ARSG: variants seen among roughly 807,000 people sequenced by gnomAD.
ARSG encodes the protein arylsulfatase G.
Under a neutral mutation model 50.5 loss-of-function variants are expected in ARSG, and 37 were observed. That is an observed-to-expected ratio of 0.73 (90% confidence interval 0.56 to 0.96). The LOEUF (loss-of-function observed/expected upper bound fraction) is 0.96. ARSG is among the 50% of genes least tolerant of loss of function. The pLI is 0.00. For missense variants in ARSG, 629 were observed against 675.3 expected, an observed-to-expected ratio of 0.93 and a Z score of 0.76; for synonymous variants, 225 against 254.6, an observed-to-expected ratio of 0.88 and a Z score of 1.11.
the ARSG span, chr17:68,436,533 C>G: frequency 6.4e-7 from 1 of 1,551,286 alleles, no homozygotes; most frequent in South Asian, 1.1e-5. Context: ...AGAGATTGCA[C>G]GGCTGGAGAG....
At chr17:68,292,652 G>T (rs1010048927) in intron 1 of ARSG, among the ~76,000 whole-genome samples, 1 of 152,164 alleles carries the variant, frequency 6.6e-6, no homozygotes, top group African/African-American at 2.4e-5. Context: ...TGCACGGAGG[G>T]TCGCCACCGG....
chr17:68,400,211 A>G (rs1395252577), intron 10 of ARSG: 1 of 152,240 alleles, frequency 6.6e-6, no homozygotes, highest in Non-Finnish European at 1.5e-5. Flanking sequence ...AGGCAGTCTC[A>G]TGCTTTTAGC....
intron 11 of ARSG, among the ~76,000 whole-genome samples, chr17:68,417,407 G>C (rs2082438159): frequency 6.6e-6 from 1 of 152,182 alleles, no homozygotes; most frequent in Non-Finnish European, 1.5e-5. Flanking sequence ...AGTATTTACT[G>C]TAAGAACTTG....
intron 1 of ARSG, among the ~76,000 whole-genome samples, chr17:68,277,050 A>G (rs1039440295): frequency 1.3e-5 from 2 of 152,164 alleles, no homozygotes; most frequent in African/African-American, 2.4e-5. Context: ...ATCTCCTTGT[A>G]CACATCTCAT....
the ARSG span, among the ~76,000 whole-genome samples, chr17:68,435,898 G>A: frequency 6.6e-6 from 1 of 152,222 alleles, no homozygotes; most frequent in Non-Finnish European, 1.5e-5. Flanking sequence ...TTGGCTTCAA[G>A]GGCCACTCCA....
At chr17:68,320,641 T>C (rs1262137553) in intron 2 of ARSG, among the ~76,000 whole-genome samples, 2 of 152,156 alleles carry the variant, frequency 1.3e-5, no homozygotes, top group Admixed American at 6.6e-5. Flanking sequence ...GTGTGTCATA[T>C]ACATGTTTAC....
At chr17:68,283,602 C>T (rs1555753547) in intron 1 of ARSG, among the ~76,000 whole-genome samples, 1 of 151,678 alleles carries the variant, frequency 6.6e-6, no homozygotes. Context: ...GGGTGGATCA[C>T]CTGAGGTTGG....
intron 6 of ARSG, among the ~76,000 whole-genome samples, chr17:68,359,294 A>G (rs988402842): frequency 3.9e-5 from 6 of 152,236 alleles, no homozygotes; most frequent in Non-Finnish European, 8.8e-5. Context: ...AAGAATGGAC[A>G]TTGTGAAATA....
intron 1 of ARSG, among the ~76,000 whole-genome samples, chr17:68,282,779 T>TGAAAAAAAAAAAAA: frequency 1.9e-5 from 1 of 53,404 alleles, no homozygotes; most frequent in East Asian, 5.2e-4. Context: ...CCATCTCTAC[T>TGAAAAAAAAAAAAA]AAAAAAAAAA....
intron 2 of ARSG, among the ~76,000 whole-genome samples, chr17:68,314,717 A>T (rs1476371851): frequency 2.0e-5 from 3 of 152,100 alleles, no homozygotes; most frequent in East Asian, 3.9e-4. Flanking sequence ...AATAAAAAAT[A>T]AAAAATTAAG....
chr17:68,275,349 A>AT (rs1348727134), intron 1 of ARSG, among the ~76,000 whole-genome samples: 2 of 152,150 alleles, frequency 1.3e-5, no homozygotes, highest in African/African-American at 4.8e-5. Flanking sequence ...AAAGGATTCC[A>AT]TTTTTTTGGG....
At chr17:68,448,946 A>T in the ARSG span, among the ~76,000 whole-genome samples, 3 of 152,102 alleles carry the variant, frequency 2.0e-5, no homozygotes, top group Non-Finnish European at 4.4e-5. Context: ...AAAAGGTCCC[A>T]CTTCTCTTTC....
chr17:68,410,635 C>G (rs2081958260), intron 11 of ARSG, among the ~76,000 whole-genome samples: 1 of 152,118 alleles, frequency 6.6e-6, no homozygotes, highest in Non-Finnish European at 1.5e-5. Context: ...ATGCTGGCCT[C>G]AAAAAATAAG....
chr17:68,350,691 A>C (rs2146362368), intron 4 of ARSG, among the ~76,000 whole-genome samples: 2 of 152,338 alleles, frequency 1.3e-5, no homozygotes, highest in South Asian at 4.1e-4. Flanking sequence ...AGGCTGAGGC[A>C]GGAGAATGGC....
the ARSG span, among the ~76,000 whole-genome samples, chr17:68,440,206 C>T: frequency 6.6e-6 from 1 of 152,186 alleles, no homozygotes; most frequent in Non-Finnish European, 1.5e-5. Flanking sequence ...TCCTGCCTTC[C>T]TACCCTTACA....
the ARSG span, chr17:68,434,662 T>C: frequency 1.2e-6 from 2 of 1,608,680 alleles, no homozygotes; most frequent in Non-Finnish European, 1.7e-6. Context: ...TCATAACCAT[T>C]AGTGGCTTTA....
chr17:68,405,151 T>A (rs1054630585), intron 11 of ARSG, among the ~76,000 whole-genome samples: 6 of 148,474 alleles, frequency 4.0e-5, no homozygotes, highest in South Asian at 4.2e-4. Context: ...TTTTTTTTTT[T>A]AGACTGTTTT....
intron 2 of ARSG, among the ~76,000 whole-genome samples, chr17:68,331,177 GTTTCTTTC>G (rs71142163): frequency 0.023 from 2,685 of 119,000 alleles, 52 homozygotes; most frequent in Middle Eastern, 0.043. Context: ...CAAAGACAGG[GTTTCTTTC>G]TTTCTTTCTT....
chr17:68,340,863 T>G (rs992419918), intron 2 of ARSG, among the ~76,000 whole-genome samples: 5 of 152,254 alleles, frequency 3.3e-5, no homozygotes, highest in Admixed American at 3.3e-4. Context: ...CTGGGAGATC[T>G]GTATTTTTAA....
Sources: gnomAD v4.1 joint callset for allele counts (sites outside exome capture counted in the v4.1 genomes callset) on GRCh38, gnomAD v4.1.1 for gene constraint, MANE v1.5 for transcripts, NCBI Gene and HGNC (gene_info 2026-07-23, HGNC 2026-07-21) for gene names.